FAM13B: variants seen among roughly 807,000 people sequenced by gnomAD.
FAM13B encodes protein FAM13B.
Under a neutral mutation model 117.3 loss-of-function variants are expected in FAM13B, and 60 were observed. That is an observed-to-expected ratio of 0.51 (90% CI 0.42 to 0.63). FAM13B has a LOEUF of 0.63. FAM13B is among the 30% of genes least tolerant of loss of function. The pLI, the probability that FAM13B is intolerant of heterozygous loss-of-function variation, is 0.00. For missense variants in FAM13B, 972 were observed against 1,091.9 expected, an observed-to-expected ratio of 0.89 and a Z score of 1.55; for synonymous variants, 332 against 356.1, an observed-to-expected ratio of 0.93 and a Z score of 0.76.
chr5:138,022,174 G>A (rs1394574054), intron 1 of FAM13B, among the ~76,000 whole-genome samples: 4 of 151,512 alleles, frequency 2.6e-5, no homozygotes, highest in Non-Finnish European at 5.9e-5. Flanking sequence ...GTTTAACTGA[G>A]ATAACATAGG....
intron 1 of FAM13B, among the ~76,000 whole-genome samples, chr5:138,045,269 C>A (rs1404626092): frequency 6.6e-6 from 1 of 152,200 alleles, no homozygotes; most frequent in Non-Finnish European, 1.5e-5. Context: ...CATGGTGGCT[C>A]ATACCTGTAA....
At chr5:138,002,029 G>C (rs1462827939) in intron 7 of FAM13B, among the ~76,000 whole-genome samples, 1 of 152,084 alleles carries the variant, frequency 6.6e-6, no homozygotes, top group African/African-American at 2.4e-5. Flanking sequence ...TCAATAGAGA[G>C]ACATTAAAGG....
At chr5:137,997,198 C>T (rs1299181144) in intron 7 of FAM13B, among the ~76,000 whole-genome samples, 1 of 152,014 alleles carries the variant, frequency 6.6e-6, no homozygotes, top group African/African-American at 2.4e-5. Context: ...GGCCAGATGC[C>T]GTGGCTCACA....
intron 13 of FAM13B, among the ~76,000 whole-genome samples, chr5:137,957,715 G>C (rs1164247731): frequency 6.6e-6 from 1 of 152,134 alleles, no homozygotes. Flanking sequence ...CTTTCTGAAA[G>C]TTGCGGACCC....
intron 20 of FAM13B, among the ~76,000 whole-genome samples, chr5:137,943,484 C>T (rs1047086211): frequency 1.2e-4 from 18 of 152,274 alleles, no homozygotes; most frequent in African/African-American, 3.8e-4. Flanking sequence ...CGGTGGCTAA[C>T]GCCTGTAATC....
Position 138,027,496 on chromosome 5 carries a change from T to A in FAM13B, c.-203+5286A>T, listed in dbSNP as rs140215074. Among the ~76,000 whole-genome samples, 187 of 152,294 alleles carry A rather than the reference T, an allele frequency of 1.2e-3. 4 individuals carry two copies. Among genetic ancestry groups the A allele is most frequent in the Middle Eastern group, 0.01 (3 of 294 alleles). On this transcript the variant is annotated intron_variant, in intron 1 of 23. Coordinates refer to ENST00000689681, the MANE Select transcript of FAM13B (RefSeq NM_001385994.1). Reference sequence around the variant, plus strand: ...GCTTCTTACTAGCTGGGGCTCCAAATAATTCACTGAAGCAAAAGGCACCTC... The same window carrying A: ...GCTTCTTACTAGCTGGGGCTCCAAAAAATTCACTGAAGCAAAAGGCACCTC...
chr5:137,979,090 G>C (rs977302532), intron 10 of FAM13B, among the ~76,000 whole-genome samples: 1 of 149,006 alleles, frequency 6.7e-6, no homozygotes, highest in Non-Finnish European at 1.5e-5. Flanking sequence ...TCAGCTCACT[G>C]CAACCTCCTC....
In FAM13B at chr5:137,942,061, T is replaced by C; in HGVS notation, c.2589-16A>G. On this transcript the variant is annotated splice_polypyrimidine_tract_variant and intron_variant, in intron 22 of 23. Transcript: ENST00000689681. ...TAATTCAGGCCTAGAATTGAAATGG[T>C]AAAATACTGAAGGGCACACTTGATT... 3 of 1,590,820 alleles carry C rather than the reference T, an allele frequency of 1.9e-6. No individual in the cohort carries two copies. Among genetic ancestry groups the C allele is most frequent in the Non-Finnish European group, 1.7e-6 (2 of 1,159,874 alleles).
In FAM13B at chr5:137,943,157, A is replaced by G; in HGVS notation, c.2400T>C (p.Thr800=). 4.3e-6 allele frequency: 7 copies of G among 1,614,128 alleles called. No individual in the cohort carries two copies. The highest frequency in any genetic ancestry group is 5.9e-6 in the Non-Finnish European group (7 of 1,179,994). Residue 800 remains threonine, a synonymous_variant, in exon 21 of 24, where the codon ACT becomes ACC. Coordinates refer to ENST00000689681, the MANE Select transcript of FAM13B (RefSeq NM_001385994.1). ...QMLQPIIEGE[T]AHFFEEIKEE... ...CCTTGATTTCTTCAAAAAAATGTGCAGTTTCTCCTTCTATGATTGGCTGTA... is the reference window on the plus strand; with the variant it reads ...CCTTGATTTCTTCAAAAAAATGTGCGGTTTCTCCTTCTATGATTGGCTGTA...
chr5:137,991,239 T>C (rs376335911), intron 7 of FAM13B, among the ~76,000 whole-genome samples: 15 of 152,338 alleles, frequency 9.8e-5, no homozygotes, highest in African/African-American at 3.6e-4. Context: ...AGCAAATGAA[T>C]ATATAAAATG....
At chr5:138,015,843 A>T (rs1785136450) in intron 4 of FAM13B, among the ~76,000 whole-genome samples, 2 of 152,258 alleles carry the variant, frequency 1.3e-5, no homozygotes, top group African/African-American at 4.8e-5. Context: ...TATCACCCCA[A>T]ATACTACCAT....
At chr5:137,992,385 GGAGTT>G (rs2150664223) in intron 7 of FAM13B, among the ~76,000 whole-genome samples, 1 of 151,436 alleles carries the variant, frequency 6.6e-6, no homozygotes, top group Admixed American at 6.6e-5. Flanking sequence ...CCTGAGGTCG[GGAGTT>G]AGAGGCCAGC....
intron 4 of FAM13B, 141 bp from the exon 5 acceptor site, chr5:138,012,086 A>C: frequency 3.5e-6 from 2 of 574,326 alleles, no homozygotes; most frequent in Admixed American, 3.7e-5. Context: ...CTGGGGCCAA[A>C]TGCCTTAGGG....
chr5:138,052,178 G>GCT (rs1188462881), upstream of FAM13B, among the ~76,000 whole-genome samples: 1 of 151,444 alleles, frequency 6.6e-6, no homozygotes, highest in African/African-American at 2.4e-5. Flanking sequence ...ACACCCTCCT[G>GCT]CTGTGCTATA....
chr5:137,984,930 G>A (rs936135154), intron 10 of FAM13B, among the ~76,000 whole-genome samples: 7 of 151,674 alleles, frequency 4.6e-5, no homozygotes, highest in African/African-American at 1.5e-4. Flanking sequence ...CACCACGCCC[G>A]GCTAATTTTT....
intron 4 of FAM13B, among the ~76,000 whole-genome samples, chr5:138,017,990 ATTACCTTACATAAAT>A (rs1785680118): frequency 6.6e-6 from 1 of 152,190 alleles, no homozygotes; most frequent in Non-Finnish European, 1.5e-5. Flanking sequence ...CACCACACAC[ATTACCTTACATAAAT>A]TTCTCTTCTT....
chr5:137,990,926 G>T (rs1465531916), intron 7 of FAM13B, among the ~76,000 whole-genome samples: 2 of 152,052 alleles, frequency 1.3e-5, no homozygotes, highest in African/African-American at 4.8e-5. Context: ...ATTTCTTATG[G>T]AAATCTATTT....
intron 17 of FAM13B, among the ~76,000 whole-genome samples, chr5:137,949,454 AGAGT>A (rs1764316668): frequency 6.6e-6 from 1 of 152,150 alleles, no homozygotes; most frequent in South Asian, 2.1e-4. Context: ...CCTGGACAAC[AGAGT>A]GAGACCCCAT....
chr5:137,939,823 G>A lies in FAM13B; in HGVS notation c.*402C>T. 2 of 1,257,694 alleles carry A rather than the reference G, an allele frequency of 1.6e-6. No homozygotes were observed. The highest frequency in any genetic ancestry group is 2.0e-6 in the Non-Finnish European group (2 of 1,000,146). The allele number at this position is 1,257,694 out of a possible 1,614,324, so 77.9% of individuals were successfully genotyped here. A position where few individuals can be genotyped will look rare whatever the true frequency, so the allele number is the denominator to read the frequency against. On this transcript the variant is annotated 3_prime_UTR_variant, in exon 24 of 24. Transcript: ENST00000689681. ...ATTCTGTAAGAAAAAGGCAACAGAA[G>A]AATTCAGTATGAAGATTTTCCTCCA...
Sources: allele counts gnomAD v4.1 joint callset (sites outside exome capture counted in the v4.1 genomes callset), GRCh38; gene constraint gnomAD v4.1.1; transcripts MANE v1.5; gene names NCBI Gene and HGNC (gene_info 2026-07-23, HGNC 2026-07-21).